Variants in PLEKHG3 observed in about 807,000 individuals in gnomAD.
PLEKHG3 encodes pleckstrin homology domain-containing family G member 3.
In PLEKHG3, 62 loss-of-function variants were observed where a neutral mutation model predicts 94.9. That is an observed-to-expected ratio of 0.65 (90% confidence interval 0.53 to 0.81). The LOEUF (loss-of-function observed/expected upper bound fraction) is 0.81. Ranked by LOEUF, PLEKHG3 falls within the 30% of genes least tolerant of loss-of-function variation. The pLI is 0.00. For missense variants in PLEKHG3, 1,461 were observed against 1,619.3 expected, an observed-to-expected ratio of 0.90 and a Z score of 1.68; for synonymous variants, 614 against 654.0, an observed-to-expected ratio of 0.94 and a Z score of 0.93.
In PLEKHG3 at chr14:64,731,167, C is replaced by T; in HGVS notation, c.847C>T (p.Gln283Ter). 6.2e-7 allele frequency: 1 copy of T among 1,608,658 alleles called. No homozygotes were observed. Among genetic ancestry groups the T allele is most frequent in the Non-Finnish European group, 8.5e-7 (1 of 1,175,704 alleles). ...GAGGCATGAGCACGCGGTCCGGCTC[C>T]AGGTGCTCTGGGGCTGGGACGCTGG... ...KRRHEHAVRL[Q>*]EIQSLLINWK... Residue 283 changes from glutamine to a stop codon, truncating the protein, a stop_gained and splice_region_variant, in exon 7 of 17, where the codon CAG becomes TAG. Transcript: ENST00000247226. LOFTEE classifies it high-confidence loss of function. The surrounding 1 kb of genome is among the most constrained non-coding windows in gnomAD (Gnocchi z 6.1).
At chr14:64,706,438 CATAA>C (rs1177145509) in intron 1 of PLEKHG3, among the ~76,000 whole-genome samples, 4 of 152,340 alleles carry the variant, frequency 2.6e-5, no homozygotes, top group Admixed American at 2.0e-4. Flanking sequence ...TCAGTTTCCA[CATAA>C]ATAAAGTGGG....
Position 64,716,466 on chromosome 14 carries a change from A to ACACACACC in PLEKHG3, c.-39-11127_-39-11126insCACACACC, listed in dbSNP as rs1555359403. Among the ~76,000 whole-genome samples the ACACACACC allele has an allele frequency of 1.2e-5, 1 of 86,444 alleles. No individual in the cohort carries two copies. Among genetic ancestry groups the ACACACACC allele is most frequent in the Non-Finnish European group, 2.5e-5 (1 of 39,536 alleles). The allele number at this position is 86,444 out of a possible 152,430, so 56.7% of individuals were successfully genotyped here. A position where few individuals can be genotyped will look rare whatever the true frequency, so the allele number is the denominator to read the frequency against. On this transcript the variant is annotated intron_variant, in intron 1 of 16. Coordinates refer to ENST00000247226, the MANE Select transcript of PLEKHG3 (RefSeq NM_001308147.2). The surrounding 1 kb of genome is among the most constrained non-coding windows in gnomAD (Gnocchi z 5.0). ...CACACACACACACACACACACACAC[A>ACACACACC]ACACACACACACACAACACACACAC...
chr14:64,737,800 C>A, intron 14 of PLEKHG3: 1 of 913,236 alleles, frequency 1.1e-6, no homozygotes, highest in Non-Finnish European at 1.4e-6. Context: ...CCGCAGCTGC[C>A]TGCAGGAGGA....
chr14:64,731,285 C>A lies in PLEKHG3; in HGVS notation c.850-76C>A. ...GAGCTGGGCAGTGGCATTGGGGGAG[C>A]CTTTGTGGCAGGGTTTGCAGAGCCT... On this transcript the variant is annotated intron_variant, in intron 7 of 16. Transcript: ENST00000247226. The surrounding 1 kb of genome is among the most constrained non-coding windows in gnomAD (Gnocchi z 6.1). The A allele has an allele frequency of 6.8e-7, 1 of 1,476,726 alleles. No individual in the cohort carries two copies. The highest frequency in any genetic ancestry group is 9.4e-7 in the Non-Finnish European group (1 of 1,064,522). The allele number at this position is 1,476,726 out of a possible 1,614,324, so 91.5% of individuals were successfully genotyped here.
At position 64,723,526 on chromosome 14, in the gene PLEKHG3, AGTCTCATGCT is replaced by A; in HGVS notation, c.-39-4063_-39-4054del. 6.6e-6 allele frequency among the ~76,000 whole-genome samples: 1 copy of A among 151,640 alleles called. No homozygotes were observed. Among genetic ancestry groups the A allele is most frequent in the East Asian group, 1.9e-4 (1 of 5,148 alleles). On this transcript the variant is annotated intron_variant, in intron 1 of 16. Transcript: ENST00000247226. The surrounding 1 kb of genome is among the most constrained non-coding windows in gnomAD (Gnocchi z 4.5). The stretch of plus-strand genomic sequence containing the variant: ...TCTTTTTTCTTTTTTTTTGAGATGG[AGTCTCATGCT>A]GTCACCCAGGCTGGAGTACAGTGGC...
rs902847516 is a variant in PLEKHG3, at chr14:64,748,311, G to C, written c.*4608G>C. 3 of 152,264 alleles carry C rather than the reference G, an allele frequency of 2.0e-5. No homozygotes were observed. Among genetic ancestry groups the C allele is most frequent in the Non-Finnish European group, 2.9e-5 (2 of 68,100 alleles). 9.4% of individuals were successfully genotyped at this position (152,264 alleles called of 1,614,324 possible). A position where few individuals can be genotyped will look rare whatever the true frequency, so the allele number is the denominator to read the frequency against. On this transcript the variant is annotated 3_prime_UTR_variant, in exon 17 of 17. Coordinates refer to ENST00000247226, the MANE Select transcript of PLEKHG3 (RefSeq NM_001308147.2). ...GGATGCTTTACTGCAGGTGCGGGGG[G>C]TATCCATCTTATATCTGGGGGCCCA...
Position 64,739,374 on chromosome 14 carries a change from G to A in PLEKHG3, c.1518+519G>A, listed in dbSNP as rs1314730073. Among the ~76,000 whole-genome samples the A allele has an allele frequency of 1.3e-5, 2 of 152,212 alleles. No individual in the cohort carries two copies. The highest frequency in any genetic ancestry group is 2.4e-5 in the African/African-American group (1 of 41,440). On this transcript the variant is annotated intron_variant, in intron 15 of 16. Transcript: ENST00000247226. The surrounding 1 kb of genome is among the most constrained non-coding windows in gnomAD (Gnocchi z 4.1). ...TAACACTGAGCAGCTTCTGAGGCGC[G>A]GGGCTGAGATCAGACCTGGGGCTGG... is the stretch of plus-strand genomic sequence containing the variant.
chr14:64,743,783 A>G lies in PLEKHG3; in HGVS notation c.*80A>G, dbSNP rs562078217. ...CATCCTTCCCCTCAAGCCTGGGCTCATGGAGCCCCTGCCCAGGGCCCTCAG... is the reference window on the plus strand; with the variant it reads ...CATCCTTCCCCTCAAGCCTGGGCTCGTGGAGCCCCTGCCCAGGGCCCTCAG... On this transcript the variant is annotated 3_prime_UTR_variant, in exon 17 of 17. Coordinates refer to ENST00000247226, the MANE Select transcript of PLEKHG3 (RefSeq NM_001308147.2). The surrounding 1 kb of genome is among the most constrained non-coding windows in gnomAD (Gnocchi z 7.2). The G allele has an allele frequency of 1.4e-6, 2 of 1,423,702 alleles. No individual in the cohort carries two copies. Among genetic ancestry groups the G allele is most frequent in the Admixed American group, 5.1e-5 (2 of 39,568 alleles). The allele number at this position is 1,423,702 out of a possible 1,614,324, so 88.2% of individuals were successfully genotyped here.
At chr14:64,707,411 T>G (rs564887085) in intron 1 of PLEKHG3, among the ~76,000 whole-genome samples, 1 of 152,360 alleles carries the variant, frequency 6.6e-6, no homozygotes, top group African/African-American at 2.4e-5. Flanking sequence ...ACTCTATTCA[T>G]TCATTTAATA....
Position 64,743,243 on chromosome 14 carries a change from G to T in PLEKHG3, c.3200G>T (p.Gly1067Val). Residue 1067 changes from glycine (G) to valine (V), a missense_variant, in exon 17 of 17, where the codon GGG becomes GTG. Gly to Val is a moderately radical substitution (Grantham distance 109, BLOSUM62 -3). Coordinates refer to ENST00000247226, the MANE Select transcript of PLEKHG3 (RefSeq NM_001308147.2). This position sits in a 1 kb window ranked among gnomAD's most constrained non-coding sequence, Gnocchi z 7.2. ...YASRDEARRAGGGRPRGPPVN... is the reference protein window; with the variant it reads ...YASRDEARRAVGGRPRGPPVN... ...TCCCGCGATGAGGCACGCCGAGCAG[G>T]GGGCGGCCGGCCCCGCGGCCCACCC... is the stretch of plus-strand genomic sequence containing the variant. The T allele has an allele frequency of 6.2e-7, 1 of 1,607,096 alleles. No individual in the cohort carries two copies. The highest frequency in any genetic ancestry group is 8.5e-7 in the Non-Finnish European group (1 of 1,178,850).
At position 64,741,207 on chromosome 14, in the gene PLEKHG3, G is replaced by C. The variant is rs775037199; in HGVS notation, c.1690G>C (p.Val564Leu). The C allele has an allele frequency of 6.2e-7, 1 of 1,614,074 alleles. No homozygotes were observed. The highest frequency in any genetic ancestry group is 1.7e-5 in the Admixed American group (1 of 60,020). ...MDPPGDMVDFVAAESTEDLKA... is the reference protein window; with the variant it reads ...MDPPGDMVDFLAAESTEDLKA... ...CCCCCCAGGTGACATGGTGGACTTC[G>C]TGGCAGCTGAGAGCACTGAGGACCT... Residue 564 changes from valine to leucine, a missense_variant, in exon 16 of 17, where the codon GTG (valine) becomes CTG (leucine). Physicochemically the swap from Val to Leu is conservative, Grantham distance 32 (BLOSUM62 1). Transcript: ENST00000247226.
Position 64,738,009 on chromosome 14 carries a change from C to A in PLEKHG3, c.1404+634C>A. On this transcript the variant is annotated intron_variant, in intron 14 of 16. Coordinates refer to ENST00000247226, the MANE Select transcript of PLEKHG3 (RefSeq NM_001308147.2). This position sits in a 1 kb window ranked among gnomAD's most constrained non-coding sequence, Gnocchi z 4.8. The stretch of plus-strand genomic sequence containing the variant: ...GGAGGAGGAGGAGGAGGAGGAAGAG[C>A]AGGCCTTTCAGGTCTCTCTGGAGGA... 1 of 1,249,940 alleles carries A rather than the reference C, an allele frequency of 8.0e-7. No individual in the cohort carries two copies. 77.4% of individuals were successfully genotyped at this position (1,249,940 alleles called of 1,614,324 possible). A position where few individuals can be genotyped will look rare whatever the true frequency, so the allele number is the denominator to read the frequency against.
rs1305495419 is a variant in PLEKHG3 at position 64,720,225 on chromosome 14, G to T, written c.-39-7368G>T. 2.6e-5 allele frequency among the ~76,000 whole-genome samples: 4 copies of T among 152,176 alleles called. No individual in the cohort carries two copies. Among genetic ancestry groups the T allele is most frequent in the Non-Finnish European group, 5.9e-5 (4 of 68,030 alleles). Reference sequence around the variant, plus strand: ...TTCCCCTTCCTCCCAGTCTCTTGTGGCTGGTCACCTAGTATGTAGCCCAGC... The same window carrying T: ...TTCCCCTTCCTCCCAGTCTCTTGTGTCTGGTCACCTAGTATGTAGCCCAGC... On this transcript the variant is annotated intron_variant, in intron 1 of 16. Transcript: ENST00000247226. The surrounding 1 kb of genome is among the most constrained non-coding windows in gnomAD (Gnocchi z 4.1).
intron 12 of PLEKHG3, among the ~76,000 whole-genome samples, chr14:64,733,618 T>G (rs1435701426): frequency 6.6e-6 from 1 of 152,182 alleles, no homozygotes; most frequent in East Asian, 1.9e-4. Flanking sequence ...AGCCCAGTCC[T>G]GGAACAACCG....
At chr14:64,708,480 G>T (rs1279802173) in intron 1 of PLEKHG3, among the ~76,000 whole-genome samples, 1 of 152,212 alleles carries the variant, frequency 6.6e-6, no homozygotes, top group African/African-American at 2.4e-5. Flanking sequence ...GCCCAGAAGG[G>T]TGGCAGGAGG....
intron 14 of PLEKHG3, chr14:64,737,767 C>A: frequency 1.7e-6 from 1 of 577,128 alleles, no homozygotes; most frequent in Non-Finnish European, 2.5e-6. Flanking sequence ...CTAGGTGTGG[C>A]TTTCTGTGTG....
chr14:64,709,751 G>T (rs559610665), intron 1 of PLEKHG3, among the ~76,000 whole-genome samples: 3 of 150,690 alleles, frequency 2.0e-5, no homozygotes, highest in Non-Finnish European at 2.9e-5. Flanking sequence ...GTGTGTGTGT[G>T]TGTGTGTGTG....
chr14:64,710,649 C>T (rs564521496), intron 1 of PLEKHG3, among the ~76,000 whole-genome samples: 2 of 151,678 alleles, frequency 1.3e-5, no homozygotes, highest in Non-Finnish European at 2.9e-5. Flanking sequence ...CCAGCCTGGG[C>T]GACAAGAGCA....
rs745803591 is a variant in PLEKHG3 at position 64,749,291 on chromosome 14, C to G, written c.*5588C>G. 6.3e-6 allele frequency: 10 copies of G among 1,579,958 alleles called. No homozygotes were observed. The highest frequency in any genetic ancestry group is 8.6e-6 in the Non-Finnish European group (10 of 1,166,734). On this transcript the variant is annotated 3_prime_UTR_variant, in exon 17 of 17. Transcript: ENST00000247226. The surrounding 1 kb of genome is among the most constrained non-coding windows in gnomAD (Gnocchi z 4.7). ...CTGCGCGTCCCGACTCCGCCGCGCC[C>G]GCCAGCCCCACCTGCTACTTCTTTT...
Sources: gnomAD v4.1 joint callset for allele counts (sites outside exome capture counted in the v4.1 genomes callset) on GRCh38, gnomAD v4.1.1 for gene constraint, Gnocchi (gnomAD v3.1) non-coding constraint, MANE v1.5 for transcripts, NCBI Gene and HGNC (gene_info 2026-07-23, HGNC 2026-07-21) for gene names.